The following CLVS1 variants were observed in gnomAD, a reference collection of about 807,000 sequenced individuals.
CLVS1 encodes the protein clavesin-1.
CLVS1 carries 10 observed loss-of-function variants against 33.1 expected under a neutral mutation model. That is an observed-to-expected ratio of 0.30 (90% CI 0.19 to 0.51). The LOEUF is 0.51. Ranked by LOEUF, CLVS1 falls within the 20% of genes least tolerant of loss-of-function variation. CLVS1 has a pLI of 0.97. For synonymous variants in CLVS1, 163 were observed against 166.1 expected (o/e 0.98, Z 0.14); for missense variants, 343 against 433.4 (o/e 0.79, Z 1.85).
intron 3 of CLVS1, chr8:61,378,063 T>G (rs1026684556): frequency 1.3e-5 from 2 of 152,226 alleles, no homozygotes; most frequent in Non-Finnish European, 2.9e-5. Flanking sequence ...ACATCTGATC[T>G]CTCTCTCTTT....
chr8:61,419,242 C>T (rs1268202276), intron 3 of CLVS1, among the ~76,000 whole-genome samples: 2 of 151,542 alleles, frequency 1.3e-5, no homozygotes, highest in Non-Finnish European at 2.9e-5. Context: ...ACTAAAAATA[C>T]GAAAATTAGC....
At chr8:61,461,914 A>G (rs1223299712) in intron 5 of CLVS1, among the ~76,000 whole-genome samples, 1 of 136,672 alleles carries the variant, frequency 7.3e-6, no homozygotes, top group East Asian at 2.2e-4. Context: ...TAATCTTATG[A>G]TGGGAAAACG....
At chr8:61,424,179 T>C (rs568187962) in intron 3 of CLVS1, among the ~76,000 whole-genome samples, 6 of 152,228 alleles carry the variant, frequency 3.9e-5, no homozygotes, top group Non-Finnish European at 7.3e-5. Flanking sequence ...TTCACCTGTG[T>C]TCTTAAATTG....
rs568852214 is a variant in CLVS1 at position 61,408,578 on chromosome 8, C to T, written c.630+31799C>T. 2.0e-5 allele frequency among the ~76,000 whole-genome samples: 3 copies of T among 152,246 alleles called. No homozygotes were observed. In the East Asian group the frequency reaches 5.8e-4, roughly 29 times the overall value. ...ATTAGACTTGGTTTTATCTACTTAGCTGTATTTAGGAGTTCTTATATTTTA... is the reference window on the plus strand; with the variant it reads ...ATTAGACTTGGTTTTATCTACTTAGTTGTATTTAGGAGTTCTTATATTTTA... On this transcript the variant is annotated intron_variant, in intron 3 of 5. Transcript: ENST00000325897.
intron 2 of CLVS1, among the ~76,000 whole-genome samples, chr8:61,228,922 G>A (rs1268233954): frequency 6.6e-6 from 1 of 152,164 alleles, no homozygotes; most frequent in African/African-American, 2.4e-5. Flanking sequence ...CCAGCAGTGG[G>A]ATTGCTGAGT....
At chr8:60,969,700 T>C in the CLVS1 span, among the ~76,000 whole-genome samples, 1,160 of 152,220 alleles carry the variant, frequency 7.6e-3, 10 homozygotes, top group South Asian at 0.023. Flanking sequence ...ATTTTGGATA[T>C]ATTGAATTAA....
At chr8:61,251,416 T>C (rs1318854672) in intron 2 of CLVS1, among the ~76,000 whole-genome samples, 1 of 152,222 alleles carries the variant, frequency 6.6e-6, no homozygotes, top group Admixed American at 6.5e-5. Flanking sequence ...ATTAGGATGA[T>C]ACTGGCCTCA....
chr8:61,258,846 G>T (rs1293904992), intron 2 of CLVS1, among the ~76,000 whole-genome samples: 1 of 152,066 alleles, frequency 6.6e-6, no homozygotes, highest in Non-Finnish European at 1.5e-5. Context: ...TGCATATTCT[G>T]CACAACAGAA....
chr8:61,045,156 A>G, the CLVS1 span, among the ~76,000 whole-genome samples: 1 of 152,224 alleles, frequency 6.6e-6, no homozygotes, highest in Non-Finnish European at 1.5e-5. Context: ...GCTGCTAAAC[A>G]TCAGATTTGT....
chr8:61,425,397 A>G (rs771829960), intron 3 of CLVS1, among the ~76,000 whole-genome samples: 15 of 152,158 alleles, frequency 9.9e-5, no homozygotes, highest in Non-Finnish European at 1.2e-4. Context: ...GTTCTAATGT[A>G]TCTCATCAAT....
chr8:61,391,781 G>A (rs1170144517), intron 3 of CLVS1, among the ~76,000 whole-genome samples: 1 of 152,184 alleles, frequency 6.6e-6, no homozygotes, highest in Non-Finnish European at 1.5e-5. Context: ...AATAAAAAGA[G>A]TATAGGGCAG....
At chr8:61,238,748 C>T (rs1808625408) in intron 2 of CLVS1, among the ~76,000 whole-genome samples, 2 of 152,160 alleles carry the variant, frequency 1.3e-5, no homozygotes, top group Admixed American at 1.3e-4. Context: ...ATTAAATATT[C>T]TTTAAGAAGA....
chr8:61,202,790 G>A (rs1251792618), intron 2 of CLVS1: 5 of 1,449,262 alleles, frequency 3.5e-6, no homozygotes, highest in Non-Finnish European at 4.8e-6. Flanking sequence ...GCCCTCGGAG[G>A]TAGTAGCAAG....
chr8:60,995,469 C>T, the CLVS1 span, among the ~76,000 whole-genome samples: 1 of 152,206 alleles, frequency 6.6e-6, no homozygotes, highest in Non-Finnish European at 1.5e-5. Context: ...GAGATACCAT[C>T]TCACACCAGT....
intron 1 of CLVS1, among the ~76,000 whole-genome samples, chr8:61,115,980 C>T (rs1474087620): frequency 6.9e-6 from 1 of 145,186 alleles, no homozygotes; most frequent in African/African-American, 2.6e-5. Flanking sequence ...AACTAGTTTA[C>T]AGTCCCACCA....
rs1048898507 is a variant in CLVS1, at chr8:61,336,861, A to C, written c.455+36579A>C. On this transcript the variant is annotated intron_variant, in intron 2 of 5. Coordinates refer to ENST00000325897, the MANE Select transcript of CLVS1 (RefSeq NM_173519.3). The stretch of plus-strand genomic sequence containing the variant: ...AATGAGTGTCATCTGCCAGTAATAA[A>C]TAAACAGGAAAAAATAAAACAAACA... Among the ~76,000 whole-genome samples the C allele has an allele frequency of 5.3e-5, 8 of 152,366 alleles. No homozygotes were observed. In the East Asian group the frequency reaches 9.6e-4, roughly 18 times the overall value.
chr8:61,129,358 G>C (rs973945888), intron 1 of CLVS1, among the ~76,000 whole-genome samples: 3 of 152,234 alleles, frequency 2.0e-5, no homozygotes, highest in Non-Finnish European at 4.4e-5. Flanking sequence ...CTATGAAGTA[G>C]AGCTCCTGGT....
At chr8:61,218,659 G>C (rs1456041992) in intron 2 of CLVS1, among the ~76,000 whole-genome samples, 1 of 150,636 alleles carries the variant, frequency 6.6e-6, no homozygotes, top group Non-Finnish European at 1.5e-5. Flanking sequence ...ACAAGGCCAG[G>C]CATGGTGGAT....
chr8:61,027,410 A>G, the CLVS1 span, among the ~76,000 whole-genome samples: 1 of 152,200 alleles, frequency 6.6e-6, no homozygotes. Context: ...GGAATTAAAT[A>G]CTGGAGGGCT....
Sources: allele counts gnomAD v4.1 joint callset (sites outside exome capture counted in the v4.1 genomes callset), GRCh38; gene constraint gnomAD v4.1.1; transcripts MANE v1.5; gene names NCBI Gene and HGNC (gene_info 2026-07-23, HGNC 2026-07-21).